FAM135B: variants seen among roughly 807,000 people sequenced by gnomAD.
FAM135B encodes the protein protein FAM135B.
Under a neutral mutation model 127.7 loss-of-function variants are expected in FAM135B, and 43 were observed. The observed-to-expected ratio is 0.34, with a 90% CI of 0.26 to 0.43. The LOEUF (loss-of-function observed/expected upper bound fraction) is 0.43. Ranked by LOEUF, FAM135B falls within the 20% of genes least tolerant of loss-of-function variation. The pLI, the probability that FAM135B is intolerant of heterozygous loss-of-function variation, is 1.00. For missense variants in FAM135B, 1,558 were observed against 1,725.6 expected (o/e 0.90, Z 1.72); for synonymous variants, 670 against 665.1 (o/e 1.01, Z -0.11).
At chr8:138,345,962 GA>G (rs1829380702) in intron 2 of FAM135B, among the ~76,000 whole-genome samples, 1 of 151,972 alleles carries the variant, frequency 6.6e-6, no homozygotes, top group Admixed American at 6.6e-5. Flanking sequence ...AAATTTACAA[GA>G]AAAAAACAAC....
chr8:138,432,274 A>G (rs1331371632), intron 1 of FAM135B, among the ~76,000 whole-genome samples: 2 of 152,184 alleles, frequency 1.3e-5, no homozygotes, highest in Non-Finnish European at 2.9e-5. Context: ...GCCTGAATGT[A>G]GCCCTGAATG....
chr8:138,301,488 T>TC (rs1825883703), intron 3 of FAM135B, among the ~76,000 whole-genome samples: 2 of 152,292 alleles, frequency 1.3e-5, no homozygotes, highest in South Asian at 4.1e-4. Flanking sequence ...AGCTCAATTT[T>TC]CTTTTTTTTC....
chr8:138,162,466 C>T (rs11775833), intron 12 of FAM135B, among the ~76,000 whole-genome samples: 49,035 of 151,938 alleles, frequency 0.32, 8,041 homozygotes, highest in Middle Eastern at 0.4. Context: ...GATAATGACA[C>T]GTCAGTAGAG....
At chr8:138,465,287 G>A (rs1355123013) in intron 1 of FAM135B, among the ~76,000 whole-genome samples, 1 of 152,108 alleles carries the variant, frequency 6.6e-6, no homozygotes, top group East Asian at 1.9e-4. Flanking sequence ...AGATGCTTAT[G>A]AAGTGCCCAC....
intron 7 of FAM135B, among the ~76,000 whole-genome samples, chr8:138,214,048 G>A (rs548734540): frequency 6.6e-6 from 1 of 152,188 alleles, no homozygotes; most frequent in African/African-American, 2.4e-5. Context: ...AGCCTGTTCT[G>A]TCCCTGACAC....
intron 1 of FAM135B, chr8:138,440,291 C>T (rs1473296623): frequency 2.6e-5 from 4 of 152,054 alleles, no homozygotes; most frequent in African/African-American, 9.7e-5. Flanking sequence ...CAGAAGAAGG[C>T]ATATTTCTGG....
At chr8:138,426,266 T>A (rs2131484356) in intron 1 of FAM135B, among the ~76,000 whole-genome samples, 1 of 151,058 alleles carries the variant, frequency 6.6e-6, no homozygotes, top group South Asian at 2.1e-4. Flanking sequence ...AATAACATCA[T>A]AATATGGCAC....
At chr8:138,407,602 T>C (rs1243705883) in intron 1 of FAM135B, among the ~76,000 whole-genome samples, 2 of 152,110 alleles carry the variant, frequency 1.3e-5, no homozygotes, top group Non-Finnish European at 2.9e-5. Context: ...GAAATAATGC[T>C]GCATACCTAC....
chr8:138,349,032 A>C (rs1315479651), intron 2 of FAM135B, among the ~76,000 whole-genome samples: 1 of 152,362 alleles, frequency 6.6e-6, no homozygotes, highest in African/African-American at 2.4e-5. Context: ...GAGGTCATCC[A>C]AAAGTCATCA....
intron 1 of FAM135B, among the ~76,000 whole-genome samples, chr8:138,471,462 C>T (rs766176746): frequency 3.3e-5 from 5 of 152,032 alleles, no homozygotes; most frequent in African/African-American, 4.8e-5. Flanking sequence ...CAGAGATGGA[C>T]AGGTGATAGT....
chr8:138,202,569 C>T (rs1054106760), intron 7 of FAM135B, among the ~76,000 whole-genome samples: 6 of 152,126 alleles, frequency 3.9e-5, no homozygotes, highest in Non-Finnish European at 5.9e-5. Context: ...TTTGCTTTCC[C>T]ACTTACTACC....
At chr8:138,486,042 G>A (rs1814971480) in intron 1 of FAM135B, among the ~76,000 whole-genome samples, 1 of 151,980 alleles carries the variant, frequency 6.6e-6, no homozygotes, top group Non-Finnish European at 1.5e-5. Context: ...CCAAGCTTCA[G>A]GTACCAAAAT....
chr8:138,427,762 T>G (rs1834979768), intron 1 of FAM135B, among the ~76,000 whole-genome samples: 1 of 152,202 alleles, frequency 6.6e-6, no homozygotes, highest in Admixed American at 6.5e-5. Flanking sequence ...ATATTGCTGT[T>G]GAAATCGATG....
chr8:138,422,626 T>C (rs1834577785), intron 1 of FAM135B, among the ~76,000 whole-genome samples: 1 of 152,034 alleles, frequency 6.6e-6, no homozygotes, highest in Admixed American at 6.6e-5. Flanking sequence ...GAAAAAGGAA[T>C]GTTTATACAC....
At chr8:138,453,335 A>G (rs553427754) in intron 1 of FAM135B, among the ~76,000 whole-genome samples, 62 of 152,198 alleles carry the variant, frequency 4.1e-4, no homozygotes, top group African/African-American at 1.4e-3. Context: ...AATATCCCAT[A>G]TAAAAATACC....
intron 2 of FAM135B, among the ~76,000 whole-genome samples, chr8:138,356,237 G>T (rs529670275): frequency 6.6e-6 from 1 of 150,384 alleles, no homozygotes; most frequent in East Asian, 2.0e-4. Flanking sequence ...GGTGTGTTGA[G>T]GGGGGCATGG....
chr8:138,422,719 A>G (rs1271070242), intron 1 of FAM135B, among the ~76,000 whole-genome samples: 1 of 152,210 alleles, frequency 6.6e-6, no homozygotes, highest in Non-Finnish European at 1.5e-5. Flanking sequence ...AAACAAAAAC[A>G]AAAACAAAAA....
At chr8:138,290,782 C>T (rs1347309782) in intron 3 of FAM135B, among the ~76,000 whole-genome samples, 7 of 152,058 alleles carry the variant, frequency 4.6e-5, no homozygotes, top group Non-Finnish European at 1.0e-4. Context: ...GATGTTGGTG[C>T]TAACACGGAT....
intron 1 of FAM135B, among the ~76,000 whole-genome samples, chr8:138,407,970 G>T (rs1833621425): frequency 2.6e-5 from 4 of 152,158 alleles, no homozygotes; most frequent in African/African-American, 9.7e-5. Context: ...TTCAACACTG[G>T]CCTTAAATAT....
Sources: gnomAD v4.1 joint callset for allele counts (sites outside exome capture counted in the v4.1 genomes callset) on GRCh38, gnomAD v4.1.1 for gene constraint, MANE v1.5 for transcripts, NCBI Gene and HGNC (gene_info 2026-07-23, HGNC 2026-07-21) for gene names.